The following TUSC3 variants were observed in gnomAD, a reference collection of about 807,000 sequenced individuals.
The protein encoded by TUSC3 is dolichyl-diphosphooligosaccharide--protein glycosyltransferase subunit TUSC3.
In TUSC3, 45 loss-of-function variants were observed where a neutral mutation model predicts 44.8. The ratio of observed to expected loss-of-function variants is 1.00; its 90% confidence interval spans 0.79 to 1.29. The LOEUF (loss-of-function observed/expected upper bound fraction) is 1.29. Among genes scored for constraint, TUSC3 ranks in the 50% most tolerant of loss-of-function variants. The pLI is 0.00. For synonymous variants in TUSC3, 212 were observed against 152.9 expected (o/e 1.39, Z -2.85); for missense variants, 519 against 437.9 (o/e 1.19, Z -1.65).
At chr8:15,786,925 C>T in the TUSC3 span, among the ~76,000 whole-genome samples, 1 of 105,780 alleles carries the variant, frequency 9.5e-6, no homozygotes, top group African/African-American at 3.9e-5. Flanking sequence ...GCCTGGGCAA[C>T]AGAGGGAGAC....
chr8:15,737,388 C>T (rs1810981581), intron 7 of TUSC3, among the ~76,000 whole-genome samples: 1 of 152,238 alleles, frequency 6.6e-6, no homozygotes, highest in Non-Finnish European at 1.5e-5. Flanking sequence ...ATATTCGTTA[C>T]TAATTCTGTA....
At chr8:15,711,453 C>T (rs1046112751) in intron 6 of TUSC3, among the ~76,000 whole-genome samples, 1 of 129,938 alleles carries the variant, frequency 7.7e-6, no homozygotes, top group African/African-American at 2.9e-5. Flanking sequence ...TTTAGAAAAA[C>T]AAAAAGGTAC....
chr8:15,747,262 G>T (rs932623411), intron 8 of TUSC3, among the ~76,000 whole-genome samples: 1 of 151,930 alleles, frequency 6.6e-6, no homozygotes, highest in African/African-American at 2.4e-5. Context: ...AGATCTGTTT[G>T]ATTTTCCTTA....
the TUSC3 span, among the ~76,000 whole-genome samples, chr8:15,781,914 C>G: frequency 6.6e-6 from 1 of 152,136 alleles, no homozygotes; most frequent in Non-Finnish European, 1.5e-5. Flanking sequence ...AGGTGCATTA[C>G]CAGAGGTCAG....
At chr8:15,524,152 T>C (rs1480614081) in intron 2 of TUSC3, among the ~76,000 whole-genome samples, 1 of 152,098 alleles carries the variant, frequency 6.6e-6, no homozygotes, top group Non-Finnish European at 1.5e-5. Flanking sequence ...CTAATACTGT[T>C]TTTTTGCATA....
At chr8:15,462,228 C>T (rs1314321814) in intron 1 of TUSC3, among the ~76,000 whole-genome samples, 2 of 152,106 alleles carry the variant, frequency 1.3e-5, no homozygotes, top group Non-Finnish European at 2.9e-5. Flanking sequence ...ATGTAATCAT[C>T]ACCATTCTAT....
intron 10 of TUSC3, among the ~76,000 whole-genome samples, chr8:15,763,696 T>C (rs1253914252): frequency 6.6e-6 from 1 of 152,122 alleles, no homozygotes; most frequent in Non-Finnish European, 1.5e-5. Context: ...TGTACAAGTA[T>C]CTCTGCTGAT....
intron 1 of TUSC3, among the ~76,000 whole-genome samples, chr8:15,593,605 G>A (rs1049498436): frequency 1.3e-5 from 2 of 152,066 alleles, no homozygotes. Flanking sequence ...TTGTCACAAA[G>A]ATTAATTTAA....
intron 1 of TUSC3, among the ~76,000 whole-genome samples, chr8:15,607,861 A>C (rs897160374): frequency 6.6e-6 from 1 of 152,102 alleles, no homozygotes; most frequent in Admixed American, 6.6e-5. Flanking sequence ...TTTCCTCCCT[A>C]ATTCTCTTCC....
At chr8:15,735,406 C>T in intron 7 of TUSC3, among the ~76,000 whole-genome samples, 1 of 152,220 alleles carries the variant, frequency 6.6e-6, no homozygotes, top group Non-Finnish European at 1.5e-5. Flanking sequence ...GTTTGGAGGG[C>T]AATGTTTAGC....
At position 15,540,274 on chromosome 8, in the gene TUSC3, C is replaced by G. The variant is rs967331066; in HGVS notation, c.-157C>G. The G allele has an allele frequency of 4.7e-6, 5 of 1,074,900 alleles. No individual in the cohort carries two copies. The Admixed American group carries it at 2.1e-4, about 44-fold the overall frequency. The allele number at this position is 1,074,900 out of a possible 1,614,324, so 66.6% of individuals were successfully genotyped here. A position where few individuals can be genotyped will look rare whatever the true frequency, so the allele number is the denominator to read the frequency against. On this transcript the variant is annotated 5_prime_UTR_variant, in exon 1 of 11. Coordinates refer to ENST00000503731, the MANE Select transcript of TUSC3 (RefSeq NM_006765.4). Reference sequence around the variant, plus strand: ...CCGGATGCTCTGTCAGTCTCCTCCTCTGCGTCCTCGGCCGCGGCCCGGGTC... The same window carrying G: ...CCGGATGCTCTGTCAGTCTCCTCCTGTGCGTCCTCGGCCGCGGCCCGGGTC...
intron 1 of TUSC3, among the ~76,000 whole-genome samples, chr8:15,544,791 C>T (rs1366887497): frequency 6.6e-6 from 1 of 151,678 alleles, no homozygotes; most frequent in South Asian, 2.1e-4. Context: ...GATATGTACG[C>T]ATATATGCAC....
At chr8:15,561,244 T>C (rs1802447427) in intron 1 of TUSC3, among the ~76,000 whole-genome samples, 1 of 144,648 alleles carries the variant, frequency 6.9e-6, no homozygotes, top group African/African-American at 2.5e-5. Context: ...CAGCTGCAGG[T>C]CTGTTGGAAT....
the TUSC3 span, chr8:15,807,229 C>T: frequency 3.0e-6 from 2 of 676,174 alleles, no homozygotes; most frequent in Non-Finnish European, 5.4e-6. Flanking sequence ...AACTAATTAC[C>T]CCACCCCCAG....
intron 4 of TUSC3, among the ~76,000 whole-genome samples, chr8:15,661,783 ATACT>A (rs1205820888): frequency 7.5e-6 from 1 of 133,686 alleles, no homozygotes; most frequent in Non-Finnish European, 1.6e-5. Context: ...TTTCTATAAG[ATACT>A]TACAGCTAGT....
In TUSC3 at chr8:15,549,923, G is replaced by A. The variant is rs960839800; in HGVS notation, c.138+9355G>A. Among the ~76,000 whole-genome samples, 34 of 151,788 alleles carry A rather than the reference G, an allele frequency of 2.2e-4. 1 individual carries two copies. The highest frequency in any genetic ancestry group is 7.7e-4 in the African/African-American group (32 of 41,514). The stretch of plus-strand genomic sequence containing the variant: ...CTTCATTCAGCTGGGAGCATCAGCA[G>A]ACTCACATCTCCAAAAACCGAGCTC... On this transcript the variant is annotated intron_variant, in intron 1 of 10. Coordinates refer to ENST00000503731, the MANE Select transcript of TUSC3 (RefSeq NM_006765.4).
the TUSC3 span, among the ~76,000 whole-genome samples, chr8:15,802,947 G>A: frequency 0.045 from 6,794 of 152,188 alleles, 181 homozygotes; most frequent in East Asian, 0.067. Context: ...TATGTCACCT[G>A]CAATAACTGC....
At chr8:15,489,681 G>T (rs528067924) in intron 2 of TUSC3, among the ~76,000 whole-genome samples, 3 of 152,250 alleles carry the variant, frequency 2.0e-5, no homozygotes, top group Admixed American at 6.5e-5. Context: ...AGTCTGTTTT[G>T]TCAGTCTTAA....
rs922873288 is a variant in TUSC3 at position 15,431,394 on chromosome 8, C to G, written n.91+14089C>G. The stretch of plus-strand genomic sequence containing the variant: ...TTTAGTTTTCATTGTACAAGTCTCA[C>G]TTCCGTGTTTAAATTTATTTTTATT... On this transcript the variant is annotated intron_variant and non_coding_transcript_variant, in intron 1 of 5. Coordinates refer to the TUSC3 transcript ENST00000503191. Among the ~76,000 whole-genome samples the G allele has an allele frequency of 1.1e-4, 16 of 151,710 alleles. 2 individuals carry two copies. Among genetic ancestry groups the G allele is most frequent in the African/African-American group, 3.7e-4 (15 of 41,058 alleles).
Sources: gnomAD v4.1 joint callset for allele counts (sites outside exome capture counted in the v4.1 genomes callset) on GRCh38, gnomAD v4.1.1 for gene constraint, MANE v1.5 for transcripts, NCBI Gene and HGNC (gene_info 2026-07-23, HGNC 2026-07-21) for gene names.